Variants in EPHA6 observed in about 807,000 individuals in gnomAD.
EPHA6 encodes the protein ephrin type-A receptor 6.
EPHA6 carries 50 observed loss-of-function variants against 112.0 expected under a neutral mutation model. The ratio of observed to expected loss-of-function variants is 0.45; its 90% CI spans 0.36 to 0.56. The LOEUF (loss-of-function observed/expected upper bound fraction) is 0.56. Among genes scored for constraint, EPHA6 ranks in the 20% least tolerant of loss-of-function variants. EPHA6 has a pLI of 0.00. For synonymous variants in EPHA6, 529 were observed against 490.7 expected (o/e 1.08, Z -1.03); for missense variants, 1,280 against 1,417.4 (o/e 0.90, Z 1.56).
intron 5 of EPHA6, among the ~76,000 whole-genome samples, chr3:97,348,654 A>G (rs1035773889): frequency 2.6e-5 from 4 of 152,116 alleles, no homozygotes; most frequent in Admixed American, 6.6e-5. Context: ...AACTACATAA[A>G]TACAGGAAAC....
chr3:97,543,233 C>A (rs1460062453), intron 11 of EPHA6, among the ~76,000 whole-genome samples: 3 of 151,946 alleles, frequency 2.0e-5, no homozygotes, highest in African/African-American at 7.3e-5. Context: ...TTTAGGTCTA[C>A]CATTTAAGCC....
chr3:96,838,747 C>T (rs2034564784), intron 1 of EPHA6, among the ~76,000 whole-genome samples: 1 of 151,716 alleles, frequency 6.6e-6, no homozygotes, highest in Non-Finnish European at 1.5e-5. Flanking sequence ...GTGATCATAC[C>T]CTAGTTCTAA....
rs1353731049 is a variant in EPHA6, at chr3:97,475,258, C to T, written c.1895-94C>T. On this transcript the variant is annotated intron_variant, in intron 7 of 17. Transcript: ENST00000389672. ...GGCCAAATATACTGAGCTTGGCATC[C>T]GTTATTGTATTTTCTAGTGTAAACT... 10 of 879,194 alleles carry T rather than the reference C, an allele frequency of 1.1e-5. 1 individual carries two copies. The highest frequency in any genetic ancestry group is 3.3e-5 in the South Asian group (2 of 60,684). The allele number at this position is 879,194 out of a possible 1,614,324, so 54.5% of individuals were successfully genotyped here. A position where few individuals can be genotyped will look rare whatever the true frequency, so the allele number is the denominator to read the frequency against.
intron 2 of EPHA6, among the ~76,000 whole-genome samples, chr3:96,972,432 C>T (rs1367290929): frequency 8.2e-6 from 1 of 122,516 alleles, no homozygotes; most frequent in Non-Finnish European, 1.8e-5. Flanking sequence ...CAAACACACA[C>T]ACACACACAC....
chr3:96,858,695 T>C (rs2035839185), intron 1 of EPHA6, among the ~76,000 whole-genome samples: 1 of 152,108 alleles, frequency 6.6e-6, no homozygotes, highest in Non-Finnish European at 1.5e-5. Context: ...TGGATGTTGG[T>C]TATCAGATAG....
At chr3:97,187,287 C>A (rs938986005) in intron 3 of EPHA6, among the ~76,000 whole-genome samples, 2 of 151,776 alleles carry the variant, frequency 1.3e-5, no homozygotes, top group African/African-American at 4.8e-5. Context: ...CTTAGGAATG[C>A]CATATATAAG....
rs139237242 is a variant in EPHA6, at chr3:97,136,306, T to C, written c.1115-89958T>C. Among the ~76,000 whole-genome samples the C allele has an allele frequency of 3.6e-4, 55 of 152,246 alleles. No individual in the cohort carries two copies. The East Asian group carries it at 0.01, about 29-fold the overall frequency. On this transcript the variant is annotated intron_variant, in intron 3 of 17. Transcript: ENST00000389672. ...AATATCTGAAGAACTAAATGAGAGA[T>C]GTAATTTTAAAAAGCATGGTAGAGA...
intron 5 of EPHA6, among the ~76,000 whole-genome samples, chr3:97,321,742 G>A (rs2082131340): frequency 6.6e-6 from 1 of 151,824 alleles, no homozygotes. Flanking sequence ...TAAATAGACT[G>A]ACTTTTATTA....
At chr3:97,617,250 C>A (rs956295204) in intron 13 of EPHA6, among the ~76,000 whole-genome samples, 6 of 152,192 alleles carry the variant, frequency 3.9e-5, no homozygotes, top group Admixed American at 3.3e-4. Context: ...CACCACCAGA[C>A]CTGTCTTATA....
chr3:96,936,468 T>A (rs2040587490), intron 2 of EPHA6, among the ~76,000 whole-genome samples: 2 of 151,982 alleles, frequency 1.3e-5, no homozygotes, highest in African/African-American at 4.8e-5. Flanking sequence ...TATATCAAAC[T>A]TTTCAAGCTC....
intron 2 of EPHA6, among the ~76,000 whole-genome samples, chr3:96,980,515 G>C (rs542589736): frequency 5.2e-4 from 79 of 152,314 alleles, no homozygotes; most frequent in Middle Eastern, 3.4e-3. Flanking sequence ...TTTTGGCTTA[G>C]GATTGTCTTG....
chr3:97,467,909 G>T (rs962514273), intron 7 of EPHA6, among the ~76,000 whole-genome samples: 1 of 151,530 alleles, frequency 6.6e-6, no homozygotes, highest in African/African-American at 2.4e-5. Flanking sequence ...ATTATGCTGC[G>T]CTATTTGCCT....
At position 97,221,308 on chromosome 3, in the gene EPHA6, C is replaced by CAAAAAA. The variant is rs57025573; in HGVS notation, c.1115-4932_1115-4927dup. Among the ~76,000 whole-genome samples, 12 of 16,406 alleles carry CAAAAAA rather than the reference C, an allele frequency of 7.3e-4. 1 individual carries two copies. Among genetic ancestry groups the CAAAAAA allele is most frequent in the Non-Finnish European group, 9.0e-4 (5 of 5,572 alleles). The allele number at this position is 16,406 out of a possible 152,430, so 10.8% of individuals were successfully genotyped here. On this transcript the variant is annotated intron_variant, in intron 3 of 17. Transcript: ENST00000389672. ...CTGGTGACAGAGCAAGACTCTGTCT[C>CAAAAAA]AAAAAAAAAAAAAAAAAAAAAAAAA...
At chr3:97,138,354 C>G (rs567464263) in intron 3 of EPHA6, among the ~76,000 whole-genome samples, 27 of 152,170 alleles carry the variant, frequency 1.8e-4, no homozygotes, top group South Asian at 4.1e-4. Context: ...CTGTATCTGC[C>G]AGGCTGAGGA....
chr3:96,853,758 T>C (rs1216328371), intron 1 of EPHA6, among the ~76,000 whole-genome samples: 1 of 151,990 alleles, frequency 6.6e-6, no homozygotes, highest in East Asian at 1.9e-4. Context: ...CCCTTTATGA[T>C]CAGGATTTCA....
intron 3 of EPHA6, among the ~76,000 whole-genome samples, chr3:97,135,856 CCA>C (rs113592764): frequency 5.0e-4 from 74 of 147,620 alleles, no homozygotes; most frequent in Admixed American, 7.5e-4. Flanking sequence ...GGATTAAATG[CCA>C]CACACACACA....
At chr3:97,724,126 T>C (rs2034650160) in intron 15 of EPHA6, among the ~76,000 whole-genome samples, 1 of 152,236 alleles carries the variant, frequency 6.6e-6, no homozygotes, top group South Asian at 2.1e-4. Context: ...AGGCTATTCA[T>C]ACAGATCAAA....
At chr3:97,026,949 A>G (rs374749291) in intron 3 of EPHA6, among the ~76,000 whole-genome samples, 38 of 152,288 alleles carry the variant, frequency 2.5e-4, no homozygotes, top group African/African-American at 9.1e-4. Flanking sequence ...TATATACTCA[A>G]AGGAATATAA....
chr3:96,826,025 AC>A (rs1176097583), intron 1 of EPHA6, among the ~76,000 whole-genome samples: 3 of 151,788 alleles, frequency 2.0e-5, no homozygotes, highest in African/African-American at 4.8e-5. Context: ...TAATTGCAAC[AC>A]CCTATTGCAG....
Sources: allele counts gnomAD v4.1 joint callset (sites outside exome capture counted in the v4.1 genomes callset), GRCh38; gene constraint gnomAD v4.1.1; transcripts MANE v1.5; gene names NCBI Gene and HGNC (gene_info 2026-07-23, HGNC 2026-07-21).